The following EPM2A variants were observed in gnomAD, a reference collection of about 807,000 sequenced individuals.
EPM2A encodes the protein EPM2A glucan phosphatase, laforin.
EPM2A carries 21 observed loss-of-function variants against 26.5 expected under a neutral mutation model. That is an observed-to-expected ratio of 0.79 (90% CI 0.56 to 1.14). The LOEUF is 1.14. Among genes scored for constraint, EPM2A ranks in the 50% most tolerant of loss-of-function variants. The pLI, the probability that EPM2A is intolerant of heterozygous loss-of-function variation, is 0.00. For synonymous variants in EPM2A, 217 were observed against 177.6 expected (o/e 1.22, Z -1.76); for missense variants, 458 against 440.8 (o/e 1.04, Z -0.35).
At chr6:145,482,577 AT>A (rs1291298067) in intron 4 of EPM2A, among the ~76,000 whole-genome samples, 1 of 152,108 alleles carries the variant, frequency 6.6e-6, no homozygotes, top group Non-Finnish European at 1.5e-5. Context: ...TGTAATCTTT[AT>A]TTGGACAAAA....
intron 4 of EPM2A, among the ~76,000 whole-genome samples, chr6:145,423,726 T>G (rs1582744104): frequency 6.6e-6 from 1 of 152,180 alleles, no homozygotes; most frequent in Admixed American, 6.5e-5. Context: ...TGGTCAGATC[T>G]GAGTTGGGGG....
At chr6:145,580,757 G>A (rs1318182449) in intron 2 of EPM2A, among the ~76,000 whole-genome samples, 3 of 152,074 alleles carry the variant, frequency 2.0e-5, no homozygotes, top group Non-Finnish European at 4.4e-5. Flanking sequence ...ACTTATAAAT[G>A]AGAACATGTC....
chr6:145,534,983 TTG>T (rs1429274602), intron 2 of EPM2A, among the ~76,000 whole-genome samples: 3 of 152,226 alleles, frequency 2.0e-5, no homozygotes, highest in Non-Finnish European at 4.4e-5. Context: ...GCACATGATA[TTG>T]TGTCATTATC....
chr6:145,471,639 G>A (rs946344454), intron 4 of EPM2A, among the ~76,000 whole-genome samples: 1 of 152,116 alleles, frequency 6.6e-6, no homozygotes, highest in African/African-American at 2.4e-5. Context: ...CAATTCTGAG[G>A]CACTGAACTG....
At chr6:145,624,883 T>C (rs1057478026), downstream of EPM2A, among the ~76,000 whole-genome samples, 1 of 152,248 alleles carries the variant, frequency 6.6e-6, no homozygotes, top group African/African-American at 2.4e-5. Context: ...TGTTGTGTTT[T>C]ACATTTTTCC....
intron 4 of EPM2A, among the ~76,000 whole-genome samples, chr6:145,417,122 G>T (rs1420695828): frequency 6.6e-6 from 1 of 152,136 alleles, no homozygotes; most frequent in Non-Finnish European, 1.5e-5. Context: ...GTTATGCTGG[G>T]TGTGCAGCTC....
At chr6:145,473,612 T>C (rs1779504402) in intron 4 of EPM2A, among the ~76,000 whole-genome samples, 1 of 152,010 alleles carries the variant, frequency 6.6e-6, no homozygotes, top group South Asian at 2.1e-4. Flanking sequence ...CCTCAAGGCA[T>C]TTAATAGTCA....
chr6:145,639,600 T>TA (rs1438908731), intron 2 of EPM2A: 1 of 152,054 alleles, frequency 6.6e-6, no homozygotes, highest in Non-Finnish European at 1.5e-5. Flanking sequence ...TAAATATCAG[T>TA]AAAAAATATG....
At chr6:145,708,697 G>C (rs117850795) in intron 1 of EPM2A, among the ~76,000 whole-genome samples, 1 of 152,198 alleles carries the variant, frequency 6.6e-6, no homozygotes, top group Non-Finnish European at 1.5e-5. Context: ...ACCTCTGCTA[G>C]GGCAGTGCAG....
intron 2 of EPM2A, among the ~76,000 whole-genome samples, chr6:145,592,654 C>T (rs985336089): frequency 2.0e-5 from 3 of 152,086 alleles, no homozygotes; most frequent in South Asian, 2.1e-4. Flanking sequence ...TGTTTCCTGA[C>T]TTTTTAATGA....
chr6:145,387,306 G>T (rs1315238397), intron 4 of EPM2A, among the ~76,000 whole-genome samples: 1 of 152,060 alleles, frequency 6.6e-6, no homozygotes, highest in Admixed American at 6.6e-5. Context: ...AATGATGAGG[G>T]TTCTGCATGC....
chr6:145,579,446 C>T (rs1208742566), intron 2 of EPM2A, among the ~76,000 whole-genome samples: 1 of 152,124 alleles, frequency 6.6e-6, no homozygotes, highest in Non-Finnish European at 1.5e-5. Context: ...TAATGCATAC[C>T]TTTATGCCTG....
At chr6:145,650,966 A>C (rs527590389) in intron 2 of EPM2A, among the ~76,000 whole-genome samples, 1 of 152,320 alleles carries the variant, frequency 6.6e-6, no homozygotes, top group Admixed American at 6.5e-5. Context: ...GGGCTGTGGG[A>C]AATGGAAAAT....
At chr6:145,613,819 TATAGA>T (rs1016610373) in intron 2 of EPM2A, among the ~76,000 whole-genome samples, 1 of 152,222 alleles carries the variant, frequency 6.6e-6, no homozygotes, top group Non-Finnish European at 1.5e-5. Flanking sequence ...TTGTTTTATT[TATAGA>T]GCACAGGCAG....
At chr6:145,390,705 A>G (rs1778326264) in intron 4 of EPM2A, among the ~76,000 whole-genome samples, 1 of 151,928 alleles carries the variant, frequency 6.6e-6, no homozygotes, top group Non-Finnish European at 1.5e-5. Flanking sequence ...TTTTTACATC[A>G]TAGTTGATGT....
At chr6:145,517,941 GA>G (rs1213995251) in intron 2 of EPM2A, among the ~76,000 whole-genome samples, 3 of 151,628 alleles carry the variant, frequency 2.0e-5, no homozygotes, top group Non-Finnish European at 2.9e-5. Context: ...TTTATTTCCA[GA>G]AAAAAAAATT....
At chr6:145,723,919 C>T (rs913636424) in intron 1 of EPM2A, among the ~76,000 whole-genome samples, 1 of 152,072 alleles carries the variant, frequency 6.6e-6, no homozygotes, top group Non-Finnish European at 1.5e-5. Context: ...TTGACAGAGT[C>T]ATACAAAGAA....
At chr6:145,563,277 A>G (rs887696887) in intron 2 of EPM2A, among the ~76,000 whole-genome samples, 3 of 151,928 alleles carry the variant, frequency 2.0e-5, no homozygotes, top group African/African-American at 7.2e-5. Flanking sequence ...TAAACATAAA[A>G]AAAAATGCAG....
intron 1 of EPM2A, among the ~76,000 whole-genome samples, chr6:145,706,828 A>G (rs538175984): frequency 6.6e-6 from 1 of 152,334 alleles, no homozygotes; most frequent in South Asian, 2.1e-4. Flanking sequence ...GCCACTTGCT[A>G]TAGTTTAAGT....
Sources: gnomAD v4.1 joint callset for allele counts (sites outside exome capture counted in the v4.1 genomes callset) on GRCh38, gnomAD v4.1.1 for gene constraint, MANE v1.5 for transcripts, NCBI Gene and HGNC (gene_info 2026-07-23, HGNC 2026-07-21) for gene names.